RNF152: variants seen among roughly 807,000 people sequenced by gnomAD.
RNF152 encodes the protein ring finger protein 152, also known as E3 ubiquitin-protein ligase RNF152.
RNF152 carries 11 observed loss-of-function variants against 12.7 expected under a neutral mutation model. That is an observed-to-expected ratio of 0.86 (90% confidence interval 0.54 to 1.43). The LOEUF is 1.43. Among genes scored for constraint, RNF152 ranks in the 40% most tolerant of loss-of-function variants. The pLI, the probability that RNF152 is intolerant of heterozygous loss-of-function variation, is 0.00. For missense variants in RNF152, 255 were observed against 274.8 expected (o/e 0.93, Z 0.51); for synonymous variants, 113 against 120.3 (o/e 0.94, Z 0.40).
At chr18:61,819,946 G>A (rs1318657188) in intron 1 of RNF152, among the ~76,000 whole-genome samples, 6 of 150,346 alleles carry the variant, frequency 4.0e-5, no homozygotes, top group South Asian at 2.1e-4. Context: ...ACTTAAACCC[G>A]GGAGGCGGAG....
intron 1 of RNF152, among the ~76,000 whole-genome samples, chr18:61,892,303 C>T (rs1373086025): frequency 2.0e-5 from 3 of 152,190 alleles, no homozygotes; most frequent in African/African-American, 7.2e-5. Context: ...ATTGCAAACA[C>T]TATTACAATG....
intron 1 of RNF152, among the ~76,000 whole-genome samples, chr18:61,818,548 T>G (rs1228227405): frequency 6.6e-6 from 1 of 152,216 alleles, no homozygotes; most frequent in African/African-American, 2.4e-5. Flanking sequence ...TTAGCTATAT[T>G]AGAAACACTT....
chr18:61,873,594 A>C (rs928568030), intron 1 of RNF152, among the ~76,000 whole-genome samples: 2 of 152,192 alleles, frequency 1.3e-5, no homozygotes, highest in Admixed American at 6.5e-5. Context: ...CTCAGCTGCC[A>C]AAGTGCTGGG....
At chr18:61,881,684 T>A (rs1251519568) in intron 1 of RNF152, among the ~76,000 whole-genome samples, 1 of 152,222 alleles carries the variant, frequency 6.6e-6, no homozygotes, top group African/African-American at 2.4e-5. Context: ...TTCTAAATTA[T>A]CTAGATGGCA....
chr18:61,878,869 A>C (rs1005332091), intron 1 of RNF152, among the ~76,000 whole-genome samples: 3 of 152,240 alleles, frequency 2.0e-5, no homozygotes, highest in Admixed American at 6.5e-5. Context: ...TTTAAATTCC[A>C]ACATGAATTT....
intron 1 of RNF152, among the ~76,000 whole-genome samples, chr18:61,842,408 C>T (rs1599285848): frequency 6.6e-6 from 1 of 152,358 alleles, no homozygotes; most frequent in East Asian, 1.9e-4. Flanking sequence ...CATTTCTCTT[C>T]TGGAGGCTGC....
rs574971082 is a variant in RNF152 at position 61,866,323 on chromosome 18, C to T, written c.-136+26472G>A. ...CCTTATACACGGGGACTCGTTTATC[C>T]TCAGGACAACTTGAGGAAGTCACCC... is the stretch of plus-strand genomic sequence containing the variant. On this transcript the variant is annotated intron_variant, in intron 1 of 1. Transcript: ENST00000312828. 9.2e-5 allele frequency among the ~76,000 whole-genome samples: 14 copies of T among 152,304 alleles called. 1 individual carries two copies. Among genetic ancestry groups the T allele is most frequent in the African/African-American group, 3.4e-4 (14 of 41,564 alleles).
intron 1 of RNF152, among the ~76,000 whole-genome samples, chr18:61,854,698 G>A (rs977800088): frequency 6.6e-6 from 1 of 152,126 alleles, no homozygotes; most frequent in African/African-American, 2.4e-5. Context: ...TGGTAACCTG[G>A]AATTTCCTCT....
chr18:61,846,919 A>G (rs1361845508), intron 1 of RNF152, among the ~76,000 whole-genome samples: 1 of 152,192 alleles, frequency 6.6e-6, no homozygotes, highest in African/African-American at 2.4e-5. Flanking sequence ...GTCACCAATT[A>G]ATAATGTAGC....
At chr18:61,846,583 A>T (rs1292751255) in intron 1 of RNF152, among the ~76,000 whole-genome samples, 1 of 151,946 alleles carries the variant, frequency 6.6e-6, no homozygotes, top group African/African-American at 2.4e-5. Context: ...TCCCCGCAAC[A>T]CTCTTCTCCT....
intron 1 of RNF152, among the ~76,000 whole-genome samples, chr18:61,889,547 T>A (rs1912854738): frequency 6.6e-6 from 1 of 152,138 alleles, no homozygotes; most frequent in African/African-American, 2.4e-5. Flanking sequence ...CAAGGAAGGC[T>A]TTAGAACTCA....
intron 1 of RNF152, among the ~76,000 whole-genome samples, chr18:61,875,669 G>A (rs1912182176): frequency 6.6e-6 from 1 of 151,958 alleles, no homozygotes; most frequent in Non-Finnish European, 1.5e-5. Context: ...TTTTATATCC[G>A]TTACCATTAT....
intron 1 of RNF152, among the ~76,000 whole-genome samples, chr18:61,819,554 G>A (rs75481334): frequency 0.048 from 7,294 of 152,208 alleles, 251 homozygotes; most frequent in Non-Finnish European, 0.064. Context: ...GATCTTGCAG[G>A]GTATTGCAAT....
chr18:61,893,375 C>T (rs1465616821), upstream of RNF152: 10 of 152,626 alleles, frequency 6.6e-5, no homozygotes, highest in East Asian at 1.5e-3. Flanking sequence ...CAAGTCACCG[C>T]CACCTCATCA....
At chr18:61,824,132 T>C (rs1021707224) in intron 1 of RNF152, among the ~76,000 whole-genome samples, 2 of 152,262 alleles carry the variant, frequency 1.3e-5, no homozygotes, top group African/African-American at 4.8e-5. Context: ...CATGTCAGTA[T>C]TGCAGTGAGT....
chr18:61,838,413 G>A (rs535531702), intron 1 of RNF152, among the ~76,000 whole-genome samples: 2 of 152,286 alleles, frequency 1.3e-5, no homozygotes, highest in South Asian at 4.1e-4. Flanking sequence ...AGACGGAGGA[G>A]TCATACTTAC....
intron 1 of RNF152, among the ~76,000 whole-genome samples, chr18:61,824,518 T>C (rs964451453): frequency 1.3e-5 from 2 of 152,236 alleles, no homozygotes; most frequent in African/African-American, 4.8e-5. Context: ...GCATATAAAC[T>C]ACTTAGAAAT....
At chr18:61,845,922 G>T (rs563251149) in intron 1 of RNF152, among the ~76,000 whole-genome samples, 271 of 151,648 alleles carry the variant, frequency 1.8e-3, no homozygotes, top group Middle Eastern at 0.014. Flanking sequence ...GCTTTGTGTG[G>T]GGGGGCGTGG....
In RNF152 at chr18:61,825,013, G is replaced by C. The variant is rs941573740; in HGVS notation, c.-135-8415C>G. Among the ~76,000 whole-genome samples the C allele has an allele frequency of 4.4e-4, 67 of 152,316 alleles. 2 individuals carry two copies. Among genetic ancestry groups the C allele is most frequent in the Admixed American group, 3.9e-3 (59 of 15,302 alleles). The stretch of plus-strand genomic sequence containing the variant: ...ACCCTGACTGCCAGAATTCTGAATA[G>C]AGTTGAAATAACTGACAAATCAAGC... On this transcript the variant is annotated intron_variant, in intron 1 of 1. Transcript: ENST00000312828.
Sources: gnomAD v4.1 joint callset for allele counts (sites outside exome capture counted in the v4.1 genomes callset) on GRCh38, gnomAD v4.1.1 for gene constraint, MANE v1.5 for transcripts, NCBI Gene and HGNC (gene_info 2026-07-23, HGNC 2026-07-21) for gene names.